TBCK: variants seen among roughly 807,000 people sequenced by gnomAD.
TBCK encodes TBC domain-containing protein kinase-like protein.
In TBCK, 99 loss-of-function variants were observed where a neutral mutation model predicts 113.4. The ratio of observed to expected loss-of-function variants is 0.87; its 90% CI spans 0.74 to 1.03. The LOEUF is 1.03. TBCK is among the 50% of genes least tolerant of loss of function. The pLI is 0.00. For synonymous variants in TBCK, 369 were observed against 370.8 expected, an observed-to-expected ratio of 1.00 and a Z score of 0.05; for missense variants, 1,045 against 1,061.3, an observed-to-expected ratio of 0.98 and a Z score of 0.21.
At chr4:106,301,955 C>T (rs191233955) in intron 2 of TBCK, among the ~76,000 whole-genome samples, 2 of 152,244 alleles carry the variant, frequency 1.3e-5, no homozygotes, top group Admixed American at 1.3e-4. Context: ...TCAGAAACTT[C>T]AAATTTTTCA....
At chr4:106,267,678 T>C (rs12510058) in intron 3 of TBCK, among the ~76,000 whole-genome samples, 21,458 of 151,902 alleles carry the variant, frequency 0.14, 1,707 homozygotes, top group South Asian at 0.25. Context: ...AAAAAAGATG[T>C]TGATAGTTTC....
At chr4:106,223,681 C>T (rs1228658700) in intron 19 of TBCK, among the ~76,000 whole-genome samples, 4 of 152,114 alleles carry the variant, frequency 2.6e-5, no homozygotes, top group Non-Finnish European at 5.9e-5. Flanking sequence ...CTTTACCTTT[C>T]CGACTTGTAG....
intron 23 of TBCK, among the ~76,000 whole-genome samples, chr4:106,128,577 A>C (rs186005020): frequency 7.8e-4 from 118 of 152,248 alleles, no homozygotes; most frequent in Admixed American, 2.5e-3. Context: ...ATCCAAAATA[A>C]ACTACCTAGA....
At chr4:106,066,922 T>TA (rs1207898778) in intron 25 of TBCK, among the ~76,000 whole-genome samples, 1 of 151,904 alleles carries the variant, frequency 6.6e-6, no homozygotes, top group Non-Finnish European at 1.5e-5. Flanking sequence ...TATCTGTTGA[T>TA]AGACACTTGG....
intron 11 of TBCK, 25 bp from the exon 12 acceptor site, chr4:106,242,594 T>A: frequency 2.1e-6 from 3 of 1,462,172 alleles, no homozygotes; most frequent in Non-Finnish European, 2.8e-6. Flanking sequence ...TTAAAAATAA[T>A]ATGTACACAA....
At chr4:106,261,836 A>C (rs1257891145) in intron 4 of TBCK, among the ~76,000 whole-genome samples, 2 of 152,034 alleles carry the variant, frequency 1.3e-5, no homozygotes, top group Non-Finnish European at 2.9e-5. Flanking sequence ...AAATAAGAGT[A>C]AAATAAAAAA....
intron 25 of TBCK, among the ~76,000 whole-genome samples, chr4:106,068,228 T>C (rs998170679): frequency 3.9e-5 from 6 of 152,212 alleles, no homozygotes; most frequent in Non-Finnish European, 5.9e-5. Flanking sequence ...TGTATACACA[T>C]GACAAGTTGG....
chr4:106,159,506 G>A (rs1360366823), intron 23 of TBCK, among the ~76,000 whole-genome samples: 1 of 151,754 alleles, frequency 6.6e-6, no homozygotes, highest in African/African-American at 2.4e-5. Flanking sequence ...AATCAGAAAA[G>A]GAATTAATGA....
At chr4:106,055,693 T>C (rs1284450526) in intron 25 of TBCK, among the ~76,000 whole-genome samples, 3 of 151,684 alleles carry the variant, frequency 2.0e-5, no homozygotes, top group Admixed American at 6.6e-5. Context: ...CTTGCACTTA[T>C]GCAATTTTTT....
intron 24 of TBCK, among the ~76,000 whole-genome samples, chr4:106,113,698 C>G (rs1284543627): frequency 6.6e-6 from 1 of 152,210 alleles, no homozygotes; most frequent in Non-Finnish European, 1.5e-5. Flanking sequence ...GGACAGGACG[C>G]TGAAGAAGAG....
At chr4:106,274,521 T>C (rs1763811828) in intron 3 of TBCK, among the ~76,000 whole-genome samples, 1 of 152,222 alleles carries the variant, frequency 6.6e-6, no homozygotes, top group East Asian at 1.9e-4. Flanking sequence ...TAATACATGC[T>C]ATAACATGGA....
chr4:106,269,071 A>G lies in TBCK; in HGVS notation c.267-6859T>C, dbSNP rs57242431. On this transcript the variant is annotated intron_variant, in intron 3 of 25. Coordinates refer to ENST00000394708, the MANE Select transcript of TBCK (RefSeq NM_001163435.3). The stretch of plus-strand genomic sequence containing the variant: ...CCTTATAAAACCTGATCACTCCCAC[A>G]GAAATTTTCCTTTTGGTCTAAAACA... Among the ~76,000 whole-genome samples the G allele has an allele frequency of 7.8e-3, 1,194 of 152,254 alleles. 17 individuals are homozygous for G. The highest frequency in any genetic ancestry group is 0.027 in the African/African-American group (1,111 of 41,558).
chr4:106,185,369 C>T (rs1420720711), intron 22 of TBCK, among the ~76,000 whole-genome samples: 4 of 151,928 alleles, frequency 2.6e-5, no homozygotes, highest in African/African-American at 7.2e-5. Context: ...CCTCTTACCA[C>T]GAAATTTTAA....
chr4:106,072,385 G>A (rs901053591), intron 25 of TBCK, among the ~76,000 whole-genome samples: 2 of 152,204 alleles, frequency 1.3e-5, no homozygotes, highest in Non-Finnish European at 2.9e-5. Context: ...GAAATTCTGG[G>A]TTGAAAATTC....
intron 19 of TBCK, among the ~76,000 whole-genome samples, chr4:106,215,176 G>C (rs996013259): frequency 3.3e-5 from 5 of 151,774 alleles, no homozygotes; most frequent in Admixed American, 1.3e-4. Context: ...GAGAGATTTT[G>C]TCACCACCAG....
intron 19 of TBCK, among the ~76,000 whole-genome samples, chr4:106,222,303 T>A: frequency 6.6e-6 from 1 of 152,090 alleles, no homozygotes; most frequent in South Asian, 2.1e-4. Flanking sequence ...TTCTCTCCTT[T>A]AAAATGGCTT....
chr4:106,110,197 C>CTT (rs375432175), intron 24 of TBCK, among the ~76,000 whole-genome samples: 1 of 152,192 alleles, frequency 6.6e-6, no homozygotes, highest in East Asian at 1.9e-4. Flanking sequence ...TGCTACAACT[C>CTT]TTTCTGTCAG....
intron 12 of TBCK, among the ~76,000 whole-genome samples, chr4:106,239,590 G>T (rs1286342858): frequency 6.6e-6 from 1 of 151,992 alleles, no homozygotes; most frequent in Non-Finnish European, 1.5e-5. Flanking sequence ...AGAATGTAAA[G>T]AAAAGAAATG....
chr4:106,309,305 C>CTTTT (rs536969885), intron 1 of TBCK, among the ~76,000 whole-genome samples: 13 of 103,164 alleles, frequency 1.3e-4, no homozygotes, highest in East Asian at 3.3e-4. Context: ...AGGCTCTTCT[C>CTTTT]TTTTTTTTTT....
Sources: gnomAD v4.1 joint callset for allele counts (sites outside exome capture counted in the v4.1 genomes callset) on GRCh38, gnomAD v4.1.1 for gene constraint, MANE v1.5 for transcripts, NCBI Gene and HGNC (gene_info 2026-07-23, HGNC 2026-07-21) for gene names.